MLC1: variants seen among roughly 807,000 people sequenced by gnomAD.
MLC1 encodes membrane protein MLC1.
A neutral mutation model predicts 44.7 loss-of-function variants in MLC1; 32 were observed. The ratio of observed to expected loss-of-function variants is 0.72; its 90% CI spans 0.54 to 0.96. The LOEUF (loss-of-function observed/expected upper bound fraction) is 0.96. MLC1 is among the 40% of genes least tolerant of loss of function. MLC1 has a pLI of 0.00. For missense variants in MLC1, 459 were observed against 492.2 expected (o/e 0.93, Z 0.64); for synonymous variants, 190 against 213.0 (o/e 0.89, Z 0.94).
chr22:50,060,614 G>C lies in MLC1; in HGVS notation c.*969C>G, dbSNP rs530962489. ...AGGAGGGAGGGGCTCAGCTTCCCCC[G>C]GTCACTGGGGCCAGGGAGACGTGGT... On this transcript the variant is annotated 3_prime_UTR_variant, in exon 12 of 12. Transcript: ENST00000311597. 6.5e-6 allele frequency: 1 copy of C among 152,790 alleles called. No individual in the cohort carries two copies. The highest frequency in any genetic ancestry group is 1.5e-5 in the Non-Finnish European group (1 of 68,396). 9.5% of individuals were successfully genotyped at this position (152,790 alleles called of 1,614,324 possible). A position where few individuals can be genotyped will look rare whatever the true frequency, so the allele number is the denominator to read the frequency against.
Position 50,064,137 on chromosome 22 carries a change from TTG to T in MLC1, c.954_955del (p.Asn319HisfsTer82). The T allele has an allele frequency of 6.2e-7, 1 of 1,609,120 alleles. No homozygotes were observed. The highest frequency in any genetic ancestry group is 8.5e-7 in the Non-Finnish European group (1 of 1,179,860). On this transcript the variant is annotated frameshift_variant, in exon 11 of 12. Transcript: ENST00000311597. LOFTEE classifies it high-confidence loss of function. ...CACGCACTGGATGGCGGTGCCCGTGTTGAGGCCGGCCTGCAGCAGGAGCACTA... is the reference window on the plus strand; with the variant it reads ...CACGCACTGGATGGCGGTGCCCGTGTAGGCCGGCCTGCAGCAGGAGCACTA...
intron 10 of MLC1, among the ~76,000 whole-genome samples, chr22:50,067,121 A>T (rs184653637): frequency 1.3e-5 from 2 of 152,252 alleles, no homozygotes; most frequent in East Asian, 3.9e-4. Context: ...GAAGTAGGAG[A>T]TATATTAAAT....
chr22:50,062,346 G>A (rs940023960), intron 11 of MLC1, among the ~76,000 whole-genome samples: 1 of 149,594 alleles, frequency 6.7e-6, no homozygotes, highest in Non-Finnish European at 1.5e-5. Flanking sequence ...GAGCCCCTGG[G>A]ACCAGCAGTT....
Position 50,079,898 on chromosome 22 carries a change from C to G in MLC1, c.423+20G>C. ...GGGCTGTGGGTGTCAGGCGTCTGCG[C>G]GAAGCTCGTGTGAACTCACGTTTAT... On this transcript the variant is annotated intron_variant, in intron 5 of 11. Coordinates refer to ENST00000311597, the MANE Select transcript of MLC1 (RefSeq NM_015166.4). 1 of 1,575,692 alleles carries G rather than the reference C, an allele frequency of 6.3e-7. No homozygotes were observed. Among genetic ancestry groups the G allele is most frequent in the Non-Finnish European group, 8.7e-7 (1 of 1,145,058 alleles).
chr22:50,078,060 C>T (rs1174489962), intron 5 of MLC1, among the ~76,000 whole-genome samples: 1 of 149,670 alleles, frequency 6.7e-6, no homozygotes, highest in Admixed American at 6.7e-5. Context: ...GGCGCAATCT[C>T]GGCTCACCGC....
At position 50,068,452 on chromosome 22, in the gene MLC1, T is replaced by C; in HGVS notation, c.875A>G (p.Asp292Gly). Residue 292 changes from aspartate to glycine, a missense_variant, in exon 10 of 12, where the codon GAT becomes GGT. Asp to Gly is a moderately conservative substitution (Grantham distance 94). Coordinates refer to ENST00000311597, the MANE Select transcript of MLC1 (RefSeq NM_015166.4). Reference protein sequence around the residue: ...SIMRIVEMFKDYPPAIKPSYD... With the variant: ...SIMRIVEMFKGYPPAIKPSYD... ...ACTCACTTTTATGGCTGGCGGGTAA[T>C]CCTTAAACATCTCCACGATTCTCAT... 6.2e-7 allele frequency: 1 copy of C among 1,613,820 alleles called. No homozygotes were observed.
chr22:50,081,287 G>A (rs188415911), intron 3 of MLC1, among the ~76,000 whole-genome samples: 7 of 152,176 alleles, frequency 4.6e-5, no homozygotes, highest in Admixed American at 3.9e-4. Context: ...AGGTTGCAGT[G>A]AGCAGAGACG....
intron 3 of MLC1, 89 bp downstream of exon 3, chr22:50,082,995 G>T: frequency 1.5e-6 from 2 of 1,316,272 alleles, no homozygotes; most frequent in Non-Finnish European, 1.1e-6. Flanking sequence ...AGGTACAGGT[G>T]ACAGAAACCT....
chr22:50,085,227 C>T (rs2062251879), intron 1 of MLC1, 128 bp downstream of exon 1: 3 of 1,239,194 alleles, frequency 2.4e-6, no homozygotes, highest in Non-Finnish European at 3.1e-6. Context: ...CTGACAACAT[C>T]CATCGGCAAC....
In MLC1 at chr22:50,080,293, C is replaced by T. The variant is rs748721218; in HGVS notation, c.321+51G>A. 3.9e-6 allele frequency: 6 copies of T among 1,551,570 alleles called. No individual in the cohort carries two copies. The African/African-American group carries it at 4.1e-5, about 11-fold the overall frequency. ...AAGCACACATGGGCACACTGTCTGT[C>T]AGCCCCTCCGGCTTTCTCCCTGGCA... On this transcript the variant is annotated intron_variant, in intron 4 of 11. Transcript: ENST00000311597.
chr22:50,067,952 A>G (rs993791206), intron 10 of MLC1, among the ~76,000 whole-genome samples: 2 of 141,516 alleles, frequency 1.4e-5, no homozygotes, highest in Admixed American at 1.5e-4. Context: ...CTTATACTGG[A>G]AAAAAAAAAA....
intron 3 of MLC1, among the ~76,000 whole-genome samples, 163 bp from the exon 4 acceptor site, chr22:50,080,560 G>A (rs2062097397): frequency 6.6e-6 from 1 of 152,100 alleles, no homozygotes; most frequent in South Asian, 2.1e-4. Context: ...AGGCCCCCAG[G>A]TACTTCTCAG....
intron 3 of MLC1, 109 bp from the exon 4 acceptor site, chr22:50,080,506 C>T (rs533686289): frequency 1.7e-6 from 2 of 1,194,572 alleles, no homozygotes; most frequent in South Asian, 2.6e-5. Flanking sequence ...ATTCACAAAA[C>T]AGTGTTGCCA....
At position 50,061,866 on chromosome 22, in the gene MLC1, C is replaced by A. The variant is rs573376032; in HGVS notation, c.1060-209G>T. On this transcript the variant is annotated intron_variant, in intron 11 of 11. Coordinates refer to ENST00000311597, the MANE Select transcript of MLC1 (RefSeq NM_015166.4). ...TGTCCCAGAAACGCCTGCATCCCCC[C>A]CCGCACACACGGTTTCTACCGAGCC... Among the ~76,000 whole-genome samples the A allele has an allele frequency of 9.2e-5, 14 of 152,334 alleles. 1 individual carries two copies. The highest frequency in any genetic ancestry group is 2.6e-4 in the Admixed American group (4 of 15,308).
intron 7 of MLC1, among the ~76,000 whole-genome samples, chr22:50,076,576 C>T (rs2061986101): frequency 1.3e-5 from 2 of 151,936 alleles, no homozygotes; most frequent in South Asian, 2.1e-4. Flanking sequence ...AAAAATTCCT[C>T]GGGGACAACA....
At chr22:50,085,184 C>T in intron 1 of MLC1, 171 bp downstream of exon 1, 1 of 1,310,118 alleles carries the variant, frequency 7.6e-7, no homozygotes, top group Non-Finnish European at 9.8e-7. Context: ...TTAAATGCCT[C>T]ATTGATCCAT....
intron 10 of MLC1, among the ~76,000 whole-genome samples, chr22:50,065,411 C>T (rs12160101): frequency 0.12 from 18,585 of 151,990 alleles, 1,275 homozygotes; most frequent in South Asian, 0.23. Flanking sequence ...TATTAATCAA[C>T]TTAACTATTT....
At position 50,083,220 on chromosome 22, in the gene MLC1, A is replaced by G. The variant is rs904044343; in HGVS notation, c.178-47T>C. 1.3e-5 allele frequency: 20 copies of G among 1,532,748 alleles called. 1 individual carries two copies. In the Admixed American group the frequency reaches 2.8e-4, roughly 22 times the overall value. The allele number at this position is 1,532,748 out of a possible 1,614,324, so 94.9% of individuals were successfully genotyped here. The stretch of plus-strand genomic sequence containing the variant: ...CCAGGTTACAACGCGCCCCGTCCCC[A>G]GGCTGGACCCTGACCCTTCAACTTC... On this transcript the variant is annotated intron_variant, in intron 2 of 11. Coordinates refer to ENST00000311597, the MANE Select transcript of MLC1 (RefSeq NM_015166.4). This position sits in a 1 kb window ranked among gnomAD's most constrained non-coding sequence, Gnocchi z 4.6.
intron 10 of MLC1, among the ~76,000 whole-genome samples, chr22:50,066,619 C>T (rs1337986025): frequency 6.6e-6 from 1 of 151,274 alleles, no homozygotes; most frequent in Admixed American, 6.6e-5. Context: ...AAGACTGTGC[C>T]ACTGCACTCC....
Sources: gnomAD v4.1 joint callset for allele counts (sites outside exome capture counted in the v4.1 genomes callset) on GRCh38, gnomAD v4.1.1 for gene constraint, Gnocchi (gnomAD v3.1) non-coding constraint, MANE v1.5 for transcripts, NCBI Gene and HGNC (gene_info 2026-07-23, HGNC 2026-07-21) for gene names.